Variants in PSENEN observed in about 807,000 individuals in gnomAD.
PSENEN encodes presenilin enhancer, gamma-secretase subunit, also known as gamma-secretase subunit PEN-2.
PSENEN carries 4 observed loss-of-function variants against 15.4 expected under a neutral mutation model. The ratio of observed to expected loss-of-function variants is 0.26; its 90% confidence interval spans 0.13 to 0.59. The LOEUF (loss-of-function observed/expected upper bound fraction) is 0.59. PSENEN is among the 20% of genes least tolerant of loss of function. The pLI, the probability that PSENEN is intolerant of heterozygous loss-of-function variation, is 0.89. For missense variants in PSENEN, 112 were observed against 120.3 expected, an observed-to-expected ratio of 0.93 and a Z score of 0.32; for synonymous variants, 42 against 46.5, an observed-to-expected ratio of 0.90 and a Z score of 0.39.
rs2146521826 is a variant in PSENEN, at chr19:35,747,149, T to C, written c.*302T>C. ...GCATACTACTCATAATCTTCTGAAC[T>C]AGGAACTTTCCTGCTCAGGAAACTA... is the stretch of plus-strand genomic sequence containing the variant. On this transcript the variant is annotated 3_prime_UTR_variant, in exon 4 of 4. Coordinates refer to ENST00000587708, the MANE Select transcript of PSENEN (RefSeq NM_172341.4). 1 of 231,706 alleles carries C rather than the reference T, an allele frequency of 4.3e-6. No individual in the cohort carries two copies. The highest frequency in any genetic ancestry group is 2.3e-5 in the African/African-American group (1 of 44,202). 14.4% of individuals were successfully genotyped at this position (231,706 alleles called of 1,614,324 possible). A position where few individuals can be genotyped will look rare whatever the true frequency, so the allele number is the denominator to read the frequency against.
chr19:35,746,053 A>G (rs1015950911), intron 2 of PSENEN, 62 bp downstream of exon 2: 1 of 1,528,712 alleles, frequency 6.5e-7, no homozygotes, highest in Non-Finnish European at 9.1e-7. Context: ...ACCCGAGGGA[A>G]GAGGGCCTCG....
In PSENEN at chr19:35,745,872, G is replaced by C; in HGVS notation, c.-59G>C. The C allele has an allele frequency of 6.6e-7, 1 of 1,523,098 alleles. No homozygotes were observed. 94.3% of individuals were successfully genotyped at this position (1,523,098 alleles called of 1,614,324 possible). A position where few individuals can be genotyped will look rare whatever the true frequency, so the allele number is the denominator to read the frequency against. ...TCGTGATCCTTGCATCTGTTACTTAGGGTCAAGGCTTGGGTCTTGCCCCGC... is the reference window on the plus strand; with the variant it reads ...TCGTGATCCTTGCATCTGTTACTTACGGTCAAGGCTTGGGTCTTGCCCCGC... On this transcript the variant is annotated 5_prime_UTR_variant, in exon 2 of 4. Transcript: ENST00000587708.
rs760343010 is a variant in PSENEN at position 35,746,423 on chromosome 19, G to T, written c.66G>T (p.Gly22=). The T allele has an allele frequency of 1.9e-6, 3 of 1,613,104 alleles. No individual in the cohort carries two copies. The South Asian group carries it at 3.3e-5, about 18-fold the overall frequency. The change falls in exon 3 of 4, where the codon GGG becomes GGT. Residue 22 remains glycine (G), a synonymous_variant. Transcript: ENST00000587708. ...TTTGTTTTTCTTTCTCCCTAGGGGG[G>T]TTTGCTTTCCTGCCTTTTCTCTGGT... The part of the protein sequence containing the change: ...LNLCRKYYLG[G]FAFLPFLWLV...
Position 35,747,036 on chromosome 19 carries a change from G to A in PSENEN, c.*189G>A. ...CTTCCTGGGATCTTTTAGAGGTTGA[G>A]GCATAAATGATTATTAATATTTAAA... On this transcript the variant is annotated 3_prime_UTR_variant, in exon 4 of 4. Coordinates refer to ENST00000587708, the MANE Select transcript of PSENEN (RefSeq NM_172341.4). 1 of 570,694 alleles carries A rather than the reference G, an allele frequency of 1.8e-6. No homozygotes were observed. Among genetic ancestry groups the A allele is most frequent in the Non-Finnish European group, 3.0e-6 (1 of 330,432 alleles). 35.4% of individuals were successfully genotyped at this position (570,694 alleles called of 1,614,324 possible).
intron 2 of PSENEN, 109 bp from the exon 3 acceptor site, chr19:35,746,310 C>A: frequency 1.0e-6 from 1 of 965,442 alleles, no homozygotes; most frequent in Non-Finnish European, 1.6e-6. Context: ...TCCATTTGAA[C>A]TTGGGTGTGG....
intron 2 of PSENEN, 136 bp downstream of exon 2, chr19:35,746,127 G>T (rs779158880): frequency 4.4e-6 from 4 of 903,984 alleles, no homozygotes; most frequent in Admixed American, 2.0e-5. Flanking sequence ...GATTTGAGTG[G>T]GGAGGGCCTG....
chr19:35,746,804 T>C lies in PSENEN; in HGVS notation c.263T>C (p.Leu88Pro), dbSNP rs1196358066. 3.7e-6 allele frequency: 6 copies of C among 1,614,010 alleles called. No individual in the cohort carries two copies. The highest frequency in any genetic ancestry group is 1.3e-5 in the African/African-American group (1 of 74,988). ...ATCTACCGGCCCCGCTGGGGTGCCC[T>C]TGGGGACTACCTCTCCTTCACCATA... ...FQIYRPRWGALGDYLSFTIPL... is the reference protein window; with the variant it reads ...FQIYRPRWGAPGDYLSFTIPL... The change falls in exon 4 of 4, where the codon CTT (leucine) becomes CCT (proline). Residue 88 changes from leucine (L) to proline (P), a missense_variant. Leu to Pro is a moderately conservative substitution (Grantham distance 98). Transcript: ENST00000587708.
At chr19:35,745,725 C>A in intron 1 of PSENEN, 25 bp downstream of exon 1, 1 of 658,144 alleles carries the variant, frequency 1.5e-6, no homozygotes. Context: ...GTTTCGCCCA[C>A]CCTAGTAAAT....
At chr19:35,746,127 G>A (rs779158880) in intron 2 of PSENEN, 136 bp downstream of exon 2, 4 of 903,984 alleles carry the variant, frequency 4.4e-6, no homozygotes, top group Middle Eastern at 2.8e-4. Flanking sequence ...GATTTGAGTG[G>A]GGAGGGCCTG....
At position 35,746,432 on chromosome 19, in the gene PSENEN, C is replaced by G. The variant is rs550667831; in HGVS notation, c.75C>G (p.Phe25Leu). The G allele has an allele frequency of 3.1e-6, 5 of 1,613,678 alleles. No individual in the cohort carries two copies. Among genetic ancestry groups the G allele is most frequent in the Admixed American group, 3.3e-5 (2 of 60,004 alleles). Residue 25 changes from phenylalanine (F) to leucine (L), a missense_variant, in exon 3 of 4, where the codon TTC becomes TTG. Physicochemically the swap from Phe to Leu is conservative, Grantham distance 22. Coordinates refer to ENST00000587708, the MANE Select transcript of PSENEN (RefSeq NM_172341.4). The part of the protein sequence containing the change: ...CRKYYLGGFA[F>L]LPFLWLVNIF... ...CTTTCTCCCTAGGGGGGTTTGCTTT[C>G]CTGCCTTTTCTCTGGTTGGTCAACA...
chr19:35,745,853 T>A lies in PSENEN; in HGVS notation c.-78T>A. On this transcript the variant is annotated 5_prime_UTR_variant, in exon 2 of 4. Transcript: ENST00000587708. ...CTAATAGGGGCGTGGTTGTTCGTGA[T>A]CCTTGCATCTGTTACTTAGGGTCAA... The A allele has an allele frequency of 7.1e-7, 1 of 1,400,256 alleles. No individual in the cohort carries two copies. The highest frequency in any genetic ancestry group is 1.2e-5 in the South Asian group (1 of 86,716). 86.7% of individuals were successfully genotyped at this position (1,400,256 alleles called of 1,614,324 possible). A position where few individuals can be genotyped will look rare whatever the true frequency, so the allele number is the denominator to read the frequency against.
rs767234224 is a variant in PSENEN at position 35,746,743 on chromosome 19, G to A, written c.202G>A (p.Val68Met). The part of the protein sequence containing the change: ...WRSAVGFLFW[V>M]IVLTSWITIF... ...CTCAGCTGTGGGCTTCCTCTTCTGG[G>A]TGATAGTGCTCACCTCCTGGATCAC... The change falls in exon 4 of 4, where the codon GTG becomes ATG. Residue 68 changes from valine (V) to methionine (M), a missense_variant. By Grantham distance (21) the Val-to-Met change is conservative (BLOSUM62 1). Coordinates refer to ENST00000587708, the MANE Select transcript of PSENEN (RefSeq NM_172341.4). 3.7e-6 allele frequency: 6 copies of A among 1,614,166 alleles called. No individual in the cohort carries two copies. The Admixed American group carries it at 6.7e-5, about 18-fold the overall frequency.
In PSENEN at chr19:35,747,232, T is replaced by TC. The variant is rs902773293; in HGVS notation, c.*385_*386insC. 4 of 158,584 alleles carry TC rather than the reference T, an allele frequency of 2.5e-5. No homozygotes were observed. The East Asian group carries it at 7.5e-4, about 30-fold the overall frequency. 9.8% of individuals were successfully genotyped at this position (158,584 alleles called of 1,614,324 possible). A position where few individuals can be genotyped will look rare whatever the true frequency, so the allele number is the denominator to read the frequency against. ...CCATTTCTTTTTCTTTTTTCTTTTT[T>TC]TTTTTTTTTTTTGAGACAGAGTCTT... is the stretch of plus-strand genomic sequence containing the variant. On this transcript the variant is annotated 3_prime_UTR_variant, in exon 4 of 4. Transcript: ENST00000587708.
intron 1 of PSENEN, 59 bp from the exon 2 acceptor site, chr19:35,745,776 G>A: frequency 1.3e-6 from 1 of 799,190 alleles, no homozygotes; most frequent in Non-Finnish European, 2.2e-6. Context: ...TAGTGGGGGT[G>A]GGGATGCCCT....
Position 35,746,466 on chromosome 19 carries a change from T to G in PSENEN, c.109T>G (p.Phe37Val). 6.2e-7 allele frequency: 1 copy of G among 1,614,058 alleles called. No homozygotes were observed. The highest frequency in any genetic ancestry group is 8.5e-7 in the Non-Finnish European group (1 of 1,180,020). Residue 37 changes from phenylalanine to valine, a missense_variant, in exon 3 of 4, where the codon TTC becomes GTC. Phe to Val is a conservative substitution (Grantham distance 50, BLOSUM62 -1). Transcript: ENST00000587708. ...PFLWLVNIFW[F>V]FREAFLVPAY... ...TCTCTGGTTGGTCAACATCTTCTGGTTCTTCCGAGAGGCCTTCCTTGTCCC... is the reference window on the plus strand; with the variant it reads ...TCTCTGGTTGGTCAACATCTTCTGGGTCTTCCGAGAGGCCTTCCTTGTCCC...
chr19:35,745,823 T>A lies in PSENEN; in HGVS notation c.-96-12T>A. ...ACCGACCTTTACATTTATCTCTGAT[T>A]TGTTCTAATAGGGGCGTGGTTGTTC... On this transcript the variant is annotated splice_polypyrimidine_tract_variant and intron_variant, in intron 1 of 3. Transcript: ENST00000587708. 9.0e-7 allele frequency: 1 copy of A among 1,114,954 alleles called. No individual in the cohort carries two copies. Among genetic ancestry groups the A allele is most frequent in the Non-Finnish European group, 1.4e-6 (1 of 728,226 alleles). 69.1% of individuals were successfully genotyped at this position (1,114,954 alleles called of 1,614,324 possible).
In PSENEN at chr19:35,745,706, T is replaced by C. The variant is rs200017954; in HGVS notation, c.-97+6T>C. 3.9e-5 allele frequency: 25 copies of C among 634,156 alleles called. No individual in the cohort carries two copies. Among genetic ancestry groups the C allele is most frequent in the African/African-American group, 2.7e-4 (15 of 54,806 alleles). 39.3% of individuals were successfully genotyped at this position (634,156 alleles called of 1,614,324 possible). On this transcript the variant is annotated splice_donor_region_variant and intron_variant, in intron 1 of 3. Coordinates refer to ENST00000587708, the MANE Select transcript of PSENEN (RefSeq NM_172341.4). Reference sequence around the variant, plus strand: ...GGAGGAAGTGAGCTCTCCTGGTGAGTTGGGGGTCGTTTCGCCCACCCTAGT... The same window carrying C: ...GGAGGAAGTGAGCTCTCCTGGTGAGCTGGGGGTCGTTTCGCCCACCCTAGT...
At chr19:35,746,389 G>A in intron 2 of PSENEN, 30 bp from the exon 3 acceptor site, 2 of 1,553,006 alleles carry the variant, frequency 1.3e-6, no homozygotes, top group Non-Finnish European at 1.8e-6. Flanking sequence ...AGGTTTTGGG[G>A]TTTGTTTGTT....
chr19:35,745,726 C>T, intron 1 of PSENEN, 26 bp downstream of exon 1: 2 of 658,968 alleles, frequency 3.0e-6, no homozygotes, highest in Non-Finnish European at 5.4e-6. Context: ...TTTCGCCCAC[C>T]CTAGTAAATA....
Sources: gnomAD v4.1 joint callset for allele counts on GRCh38, gnomAD v4.1.1 for gene constraint, MANE v1.5 for transcripts, NCBI Gene and HGNC (gene_info 2026-07-23, HGNC 2026-07-21) for gene names.